RSPH14: variants seen among roughly 807,000 people sequenced by gnomAD.
The protein encoded by RSPH14 is radial spoke head 14 homolog.
A neutral mutation model predicts 26.7 loss-of-function variants in RSPH14; 20 were observed. The ratio of observed to expected loss-of-function variants is 0.75; its 90% confidence interval spans 0.53 to 1.09. RSPH14 has a LOEUF of 1.09. RSPH14 is among the 50% of genes least tolerant of loss of function. RSPH14 has a pLI of 0.00. For missense variants in RSPH14, 449 were observed against 457.2 expected, an observed-to-expected ratio of 0.98 and a Z score of 0.16; for synonymous variants, 177 against 189.3, an observed-to-expected ratio of 0.93 and a Z score of 0.53.
the RSPH14 span, among the ~76,000 whole-genome samples, chr22:23,153,890 T>C: frequency 6.6e-6 from 1 of 152,030 alleles, no homozygotes; most frequent in African/African-American, 2.4e-5. Flanking sequence ...GGTTTTACTA[T>C]GTTGGCCATG....
intron 1 of RSPH14, 51 bp downstream of exon 1, chr22:23,141,898 G>A (rs1601870663): frequency 1.2e-6 from 1 of 837,610 alleles, no homozygotes; most frequent in Admixed American, 6.2e-5. Flanking sequence ...GACTGGGTGG[G>A]TCACTGGGCC....
chr22:23,123,567 C>T, intron 4 of RSPH14: 2 of 613,654 alleles, frequency 3.3e-6, no homozygotes, highest in Middle Eastern at 4.3e-4. Context: ...GCCTCTGCCT[C>T]CTTGGCCCCA....
intron 4 of RSPH14, among the ~76,000 whole-genome samples, chr22:23,129,380 A>C (rs1251044213): frequency 1.3e-5 from 2 of 152,130 alleles, no homozygotes; most frequent in Non-Finnish European, 2.9e-5. Context: ...CCTGACCCTC[A>C]CTGAGGCTTC....
chr22:23,138,517 G>A (rs542336018), intron 3 of RSPH14, among the ~76,000 whole-genome samples: 5 of 152,218 alleles, frequency 3.3e-5, no homozygotes, highest in East Asian at 3.9e-4. Context: ...AGCTGAGATC[G>A]TGTCACCGTA....
At chr22:23,141,209 G>A (rs956785036) in intron 1 of RSPH14, among the ~76,000 whole-genome samples, 2 of 151,596 alleles carry the variant, frequency 1.3e-5, no homozygotes, top group Non-Finnish European at 2.9e-5. Flanking sequence ...CATGCCTGTA[G>A]TCCCAGCTAC....
intron 6 of RSPH14, among the ~76,000 whole-genome samples, chr22:23,060,326 C>T (rs1340619051): frequency 1.3e-5 from 2 of 152,042 alleles, no homozygotes; most frequent in Admixed American, 1.3e-4. Flanking sequence ...AAAAAATTAG[C>T]CGGGCATGGT....
the RSPH14 span, among the ~76,000 whole-genome samples, chr22:23,154,626 G>C: frequency 1.1e-4 from 16 of 152,192 alleles, no homozygotes; most frequent in African/African-American, 3.6e-4. Context: ...TATCTCATTA[G>C]AGGGCCCTGG....
At chr22:23,161,558 C>T in the RSPH14 span, 1 of 1,610,312 alleles carries the variant, frequency 6.2e-7, no homozygotes. Context: ...GCCTGGGCTG[C>T]TGCTAACTGG....
chr22:23,172,078 C>T, the RSPH14 span, among the ~76,000 whole-genome samples: 1 of 152,196 alleles, frequency 6.6e-6, no homozygotes, highest in African/African-American at 2.4e-5. Flanking sequence ...AAGAATAAGA[C>T]ATACAAATGG....
the RSPH14 span, among the ~76,000 whole-genome samples, chr22:23,151,183 A>C: frequency 6.6e-6 from 1 of 152,186 alleles, no homozygotes; most frequent in Non-Finnish European, 1.5e-5. Context: ...CTGAGATCAG[A>C]ATAGCCGAAG....
intron 4 of RSPH14, among the ~76,000 whole-genome samples, chr22:23,073,414 G>A (rs2068425872): frequency 1.3e-5 from 2 of 152,252 alleles, no homozygotes; most frequent in African/African-American, 4.8e-5. Flanking sequence ...GGAGCACCCA[G>A]ACTGTTGTGG....
intron 4 of RSPH14, among the ~76,000 whole-genome samples, chr22:23,112,334 C>T (rs1264312762): frequency 6.6e-6 from 1 of 152,230 alleles, no homozygotes; most frequent in Non-Finnish European, 1.5e-5. Flanking sequence ...GGCTCTAGGG[C>T]CCAGTGCTCA....
intron 4 of RSPH14, chr22:23,131,625 G>A: frequency 7.7e-7 from 1 of 1,304,086 alleles, no homozygotes; most frequent in Non-Finnish European, 1.0e-6. Flanking sequence ...CAAGTCCCCT[G>A]TCTCCACACT....
chr22:23,094,551 A>C (rs140873367), intron 4 of RSPH14, among the ~76,000 whole-genome samples: 92 of 152,258 alleles, frequency 6.0e-4, no homozygotes, highest in African/African-American at 2.1e-3. Context: ...TGCAGCCCCC[A>C]GCTCCTTGGT....
At chr22:23,161,142 T>C in the RSPH14 span, 49 of 1,042,148 alleles carry the variant, frequency 4.7e-5, no homozygotes, top group Admixed American at 3.7e-4. Context: ...AGGGTGTCAC[T>C]GCAGCCTCAG....
At chr22:23,126,167 A>C (rs776561185) in intron 4 of RSPH14, among the ~76,000 whole-genome samples, 15 of 152,194 alleles carry the variant, frequency 9.9e-5, no homozygotes, top group Admixed American at 1.3e-4. Context: ...AGCATCTTTA[A>C]TCTAAAAATA....
the RSPH14 span, chr22:23,162,353 C>T: frequency 3.1e-6 from 1 of 318,796 alleles, no homozygotes; most frequent in Non-Finnish European, 6.2e-6. Flanking sequence ...GCAGACTGCA[C>T]AGCTGTCCTA....
chr22:23,178,143 G>A, the RSPH14 span, among the ~76,000 whole-genome samples: 44 of 152,308 alleles, frequency 2.9e-4, no homozygotes, highest in African/African-American at 9.6e-4. Context: ...AGGGCTGGGT[G>A]CAGTGGCTCA....
chr22:23,147,242 A>G (rs886662181), upstream of RSPH14, among the ~76,000 whole-genome samples: 7 of 152,230 alleles, frequency 4.6e-5, no homozygotes, highest in Non-Finnish European at 8.8e-5. Context: ...AGCAGGGAAT[A>G]CAAATTGAGT....
Sources: allele counts gnomAD v4.1 joint callset (sites outside exome capture counted in the v4.1 genomes callset), GRCh38; gene constraint gnomAD v4.1.1; transcripts MANE v1.5; gene names NCBI Gene and HGNC (gene_info 2026-07-23, HGNC 2026-07-21).